CENPI: variants seen among roughly 807,000 people sequenced by gnomAD.
The protein encoded by CENPI is centromere protein I.
In CENPI, 4 loss-of-function variants were observed where a neutral mutation model predicts 60.4. The observed-to-expected ratio is 0.07, with a 90% confidence interval of 0.03 to 0.15. The LOEUF (loss-of-function observed/expected upper bound fraction) is 0.15, where lower values mean the gene tolerates loss of function less well. Among genes scored for constraint, CENPI ranks in the 10% least tolerant of loss-of-function variants. The pLI is 1.00. For synonymous variants in CENPI, 157 were observed against 189.4 expected (o/e 0.83, Z 1.40); for missense variants, 444 against 534.5 (o/e 0.83, Z 1.67).
intron 4 of CENPI, among the ~76,000 whole-genome samples, chrX:101,106,296 A>G (rs2089482727): frequency 8.9e-6 from 1 of 111,837 alleles, no homozygotes. Flanking sequence ...ACCTATCATC[A>G]CTGCTTCCTT....
At chrX:101,173,110 G>T in the CENPI span, among the ~76,000 whole-genome samples, 1 of 99,059 alleles carries the variant, frequency 1.0e-5, no homozygotes, top group Non-Finnish European at 2.0e-5. Context: ...CCACATCCCG[G>T]GTTCAAGCGA....
intron 4 of CENPI, among the ~76,000 whole-genome samples, chrX:101,103,570 A>G (rs1460924980): frequency 2.0e-5 from 2 of 101,624 alleles, no homozygotes; most frequent in African/African-American, 7.3e-5. Context: ...CGAACTCCCG[A>G]CCTCAGGTGA....
At chrX:101,154,280 A>G (rs1410114341) in intron 20 of CENPI, among the ~76,000 whole-genome samples, 1 of 111,788 alleles carries the variant, frequency 8.9e-6, no homozygotes, top group African/African-American at 3.3e-5. Flanking sequence ...TTCTATAAAG[A>G]ATCCAGGCCG....
At chrX:101,126,518 G>A (rs1283179513) in intron 8 of CENPI, among the ~76,000 whole-genome samples, 191 bp from the exon 9 acceptor site, 4 of 111,719 alleles carry the variant, frequency 3.6e-5, no homozygotes, top group Non-Finnish European at 3.8e-5. Context: ...ATCACAGTTT[G>A]GAGAGGGTTG....
chrX:101,130,759 A>C (rs1433983011), intron 13 of CENPI, among the ~76,000 whole-genome samples: 3 of 111,886 alleles, frequency 2.7e-5, no homozygotes, highest in Non-Finnish European at 5.6e-5. Context: ...GGTTTGGGTA[A>C]CCCTGAGTTG....
intron 2 of CENPI, among the ~76,000 whole-genome samples, chrX:101,099,541 A>G (rs1188775283): frequency 9.1e-6 from 1 of 110,333 alleles, no homozygotes; most frequent in African/African-American, 3.3e-5. Flanking sequence ...TTTCTTTAAC[A>G]CATAAAGCTC....
chrX:101,102,246 C>T, intron 3 of CENPI, 28 bp from the exon 4 acceptor site: 1 of 1,089,313 alleles, frequency 9.2e-7, no homozygotes, highest in African/African-American at 1.9e-5. Context: ...TTAAAGGTCT[C>T]ACTATTTAAT....
At chrX:101,117,875 C>A (rs1166452615) in intron 6 of CENPI, among the ~76,000 whole-genome samples, 1 of 112,327 alleles carries the variant, frequency 8.9e-6, no homozygotes, top group Non-Finnish European at 1.9e-5. Flanking sequence ...ACTGCAGATT[C>A]TTGCTTTCAT....
chrX:101,129,923 T>A (rs2089777644), intron 12 of CENPI, 59 bp from the exon 13 acceptor site: 16 of 793,849 alleles, frequency 2.0e-5, no homozygotes, highest in Non-Finnish European at 2.8e-5. Flanking sequence ...ATAATTATGT[T>A]TTGTGCACTT....
intron 6 of CENPI, 146 bp downstream of exon 6, chrX:101,110,144 G>A (rs188110090): frequency 2.6e-5 from 9 of 340,151 alleles, no homozygotes; most frequent in Middle Eastern, 7.9e-4. Flanking sequence ...CCAAGATAAC[G>A]TAGACATATC....
the CENPI span, among the ~76,000 whole-genome samples, chrX:101,172,649 G>A: frequency 8.9e-6 from 1 of 111,759 alleles, no homozygotes; most frequent in Non-Finnish European, 1.9e-5. Context: ...GTAATGGGGA[G>A]TGACTCTTAA....
At chrX:101,166,252 T>C (rs763576663), downstream of CENPI, among the ~76,000 whole-genome samples, 18 of 112,067 alleles carry the variant, frequency 1.6e-4, no homozygotes, top group Non-Finnish European at 3.0e-4. Flanking sequence ...GCCTCCCGGA[T>C]TCAAGCGATT....
intron 6 of CENPI, among the ~76,000 whole-genome samples, chrX:101,112,423 A>G (rs2089564977): frequency 8.9e-6 from 1 of 112,274 alleles, no homozygotes; most frequent in Non-Finnish European, 1.9e-5. Context: ...TACAAGATAC[A>G]TCAATGAATT....
the CENPI span, among the ~76,000 whole-genome samples, chrX:101,172,393 C>T: frequency 9.1e-6 from 1 of 110,465 alleles, no homozygotes; most frequent in African/African-American, 3.3e-5. Flanking sequence ...AAAGGTGAAA[C>T]AATGCAAATG....
At position 101,164,272 on chromosome X, in the gene CENPI, C is replaced by T. The variant is rs5921737; in HGVS notation, c.*1305C>T. ...ATTTATTGAGCTCCTTTCTCTGTGC[C>T]AGGTACTCTTCTGTGTGCTGGTTAT... On this transcript the variant is annotated 3_prime_UTR_variant, in exon 22 of 22. Coordinates refer to ENST00000682095, the MANE Select transcript of CENPI (RefSeq NM_001386188.2). Among the ~76,000 whole-genome samples the T allele has an allele frequency of 0.15, 16,416 of 110,709 alleles. 1,173 individuals are homozygous for T. The highest frequency in any genetic ancestry group is 0.22 in the Middle Eastern group (48 of 215).
chrX:101,176,430 T>G, the CENPI span, among the ~76,000 whole-genome samples: 1 of 111,155 alleles, frequency 9.0e-6, no homozygotes, highest in Non-Finnish European at 1.9e-5. Flanking sequence ...TTCACATCCT[T>G]GCCAGCATGC....
At chrX:101,154,043 C>T (rs1250472909) in intron 20 of CENPI, among the ~76,000 whole-genome samples, 1 of 111,488 alleles carries the variant, frequency 9.0e-6, no homozygotes, top group African/African-American at 3.3e-5. Flanking sequence ...GTCTTGGCAC[C>T]CTTGTCTAAA....
chrX:101,126,910 G>A (rs2089742010), intron 9 of CENPI, 112 bp downstream of exon 9: 1 of 742,993 alleles, frequency 1.3e-6, no homozygotes, highest in African/African-American at 2.1e-5. Context: ...TTACTGTCTA[G>A]TATTGTGGTA....
chrX:101,105,113 C>CT (rs993427713), intron 4 of CENPI, among the ~76,000 whole-genome samples: 1 of 111,831 alleles, frequency 8.9e-6, no homozygotes, highest in African/African-American at 3.2e-5. Flanking sequence ...ATAAAATTGG[C>CT]TTTTTTCTTG....
Sources: allele counts gnomAD v4.1 joint callset (sites outside exome capture counted in the v4.1 genomes callset), GRCh38; gene constraint gnomAD v4.1.1; transcripts MANE v1.5; gene names NCBI Gene and HGNC (gene_info 2026-07-23, HGNC 2026-07-21).